Variants in ADIPOR2 observed in about 807,000 individuals in gnomAD.
ADIPOR2 encodes adiponectin receptor protein 2.
In ADIPOR2, 18 loss-of-function variants were observed where a neutral mutation model predicts 40.9. That is an observed-to-expected ratio of 0.44 (90% CI 0.30 to 0.65). ADIPOR2 has a LOEUF of 0.65. Among genes scored for constraint, ADIPOR2 ranks in the 30% least tolerant of loss-of-function variants. The pLI is 0.09. For missense variants in ADIPOR2, 283 were observed against 479.2 expected (o/e 0.59, Z 3.82); for synonymous variants, 165 against 166.4 (o/e 0.99, Z 0.06).
At position 1,788,066 on chromosome 12, in the gene ADIPOR2, C is replaced by G. The variant is rs1217393759; in HGVS notation, c.*1994C>G. 1 of 152,724 alleles carries G rather than the reference C, an allele frequency of 6.5e-6. No homozygotes were observed. Among genetic ancestry groups the G allele is most frequent in the Non-Finnish European group, 1.5e-5 (1 of 68,080 alleles). 9.5% of individuals were successfully genotyped at this position (152,724 alleles called of 1,614,324 possible). A position where few individuals can be genotyped will look rare whatever the true frequency, so the allele number is the denominator to read the frequency against. On this transcript the variant is annotated 3_prime_UTR_variant, in exon 8 of 8. Transcript: ENST00000357103. ...GCAACAGCACGTATCAGAAGCCAGACTTGCTCTTCGGTCATGCACTTTGGG... is the reference window on the plus strand; with the variant it reads ...GCAACAGCACGTATCAGAAGCCAGAGTTGCTCTTCGGTCATGCACTTTGGG...
At chr12:1,755,236 C>T (rs60324914) in intron 2 of ADIPOR2, among the ~76,000 whole-genome samples, 108 of 152,000 alleles carry the variant, frequency 7.1e-4, no homozygotes, top group African/African-American at 2.4e-3. Context: ...CCTGCCACCA[C>T]GCCTGGCTAC....
intron 1 of ADIPOR2, among the ~76,000 whole-genome samples, chr12:1,720,464 G>C (rs1365810201): frequency 1.3e-5 from 2 of 152,168 alleles, no homozygotes; most frequent in Non-Finnish European, 2.9e-5. Context: ...CCATAATGTG[G>C]AATCAGTGGG....
intron 1 of ADIPOR2, among the ~76,000 whole-genome samples, chr12:1,713,725 T>G (rs775271966): frequency 2.6e-5 from 4 of 151,974 alleles, no homozygotes; most frequent in Non-Finnish European, 5.9e-5. Context: ...AAGAGCAAAG[T>G]CTCCCAATTA....
At chr12:1,777,750 T>C in intron 3 of ADIPOR2, 104 bp from the exon 4 acceptor site, 1 of 1,101,552 alleles carries the variant, frequency 9.1e-7, no homozygotes, top group Non-Finnish European at 1.3e-6. Flanking sequence ...AATGAATTGT[T>C]TTTCCCATTA....
intron 4 of ADIPOR2, 71 bp downstream of exon 4, chr12:1,778,096 T>G (rs1862636896): frequency 2.0e-6 from 3 of 1,492,052 alleles, no homozygotes; most frequent in Non-Finnish European, 2.7e-6. Context: ...TATTTGAGGG[T>G]AAGCACAGAA....
rs1240492170 is a variant in ADIPOR2, at chr12:1,755,204, C to CG, written c.171+691dup. Among the ~76,000 whole-genome samples the CG allele has an allele frequency of 4.6e-5, 7 of 151,750 alleles. No homozygotes were observed. In the East Asian group the frequency reaches 1.4e-3, roughly 29 times the overall value. On this transcript the variant is annotated intron_variant, in intron 2 of 7. Transcript: ENST00000357103. ...AAGTGATTATCCTGCCTCAGCCTCCCGAGTAGCTGGGATTACAGGCACCTG... is the reference window on the plus strand; with the variant it reads ...AAGTGATTATCCTGCCTCAGCCTCCCGGAGTAGCTGGGATTACAGGCACCTG...
intron 2 of ADIPOR2, among the ~76,000 whole-genome samples, chr12:1,756,424 A>G (rs1350660159): frequency 6.6e-6 from 1 of 150,554 alleles, no homozygotes; most frequent in East Asian, 1.9e-4. Context: ...TGCTGAGATT[A>G]CAAGCGTGAG....
At chr12:1,781,851 A>C (rs542659900) in intron 6 of ADIPOR2, among the ~76,000 whole-genome samples, 1 of 152,352 alleles carries the variant, frequency 6.6e-6, no homozygotes, top group East Asian at 1.9e-4. Context: ...ACCTCATGTC[A>C]GTGACCACTG....
chr12:1,757,323 G>C (rs923041660), intron 2 of ADIPOR2: 6 of 680,178 alleles, frequency 8.8e-6, no homozygotes, highest in Non-Finnish European at 1.3e-5. Flanking sequence ...AGAAGTCTGT[G>C]GTTTGTTGCC....
chr12:1,695,011 G>GTTTTTTTTTTTTTTTTTTTTTTTTT (rs199627849), intron 1 of ADIPOR2, among the ~76,000 whole-genome samples: 1 of 128,312 alleles, frequency 7.8e-6, no homozygotes, highest in Non-Finnish European at 1.6e-5. Flanking sequence ...TTGTGTTGCA[G>GTTTTTTTTTTTTTTTTTTTTTTTTT]TTTTTTTTTT....
chr12:1,772,796 T>G, intron 2 of ADIPOR2, 46 bp from the exon 3 acceptor site: 1 of 1,556,708 alleles, frequency 6.4e-7, no homozygotes, highest in East Asian at 2.3e-5. Context: ...TTGTGTCATT[T>G]GGCTCCCAGT....
chr12:1,735,461 G>C (rs568402472), intron 1 of ADIPOR2, among the ~76,000 whole-genome samples: 19 of 152,302 alleles, frequency 1.2e-4, no homozygotes, highest in African/African-American at 4.6e-4. Context: ...CTGAGACTTT[G>C]CTGAAGTTGC....
At chr12:1,724,934 GTTAGGTAT>G (rs2094704848) in intron 1 of ADIPOR2, among the ~76,000 whole-genome samples, 1 of 152,024 alleles carries the variant, frequency 6.6e-6, no homozygotes, top group Non-Finnish European at 1.5e-5. Context: ...CTGAACAACT[GTTAGGTAT>G]TATTAGGTAT....
At chr12:1,714,310 G>A (rs534087925) in intron 1 of ADIPOR2, among the ~76,000 whole-genome samples, 19 of 152,016 alleles carry the variant, frequency 1.2e-4, no homozygotes, top group Non-Finnish European at 2.4e-4. Context: ...TGTTCTTCTC[G>A]ATCCCTACTG....
intron 1 of ADIPOR2, among the ~76,000 whole-genome samples, chr12:1,742,345 G>A (rs1217247291): frequency 6.6e-6 from 1 of 152,154 alleles, no homozygotes; most frequent in Non-Finnish European, 1.5e-5. Flanking sequence ...TGCCCACCTG[G>A]GCCTCCCAAA....
chr12:1,751,307 ATTT>A (rs1242758814), intron 1 of ADIPOR2, among the ~76,000 whole-genome samples: 1 of 152,054 alleles, frequency 6.6e-6, no homozygotes, highest in Non-Finnish European at 1.5e-5. Context: ...CTTCATTCTT[ATTT>A]TATCATACTT....
intron 2 of ADIPOR2, among the ~76,000 whole-genome samples, chr12:1,767,033 G>A (rs1862394918): frequency 6.6e-6 from 1 of 152,190 alleles, no homozygotes; most frequent in African/African-American, 2.4e-5. Flanking sequence ...ACTTCGGGAA[G>A]CTGAGGCGGG....
Position 1,700,910 on chromosome 12 carries a change from G to GT in ADIPOR2, c.-87+9727dup, listed in dbSNP as rs1049622852. 6.6e-5 allele frequency among the ~76,000 whole-genome samples: 10 copies of GT among 151,300 alleles called. No individual in the cohort carries two copies. The East Asian group carries it at 1.4e-3, about 21-fold the overall frequency. On this transcript the variant is annotated intron_variant, in intron 1 of 7. Transcript: ENST00000357103. ...TGTATGTTTTATTTGGCCAATATAT[G>GT]TTTTTTTTCCTTAAAATATTTCAAA...
chr12:1,746,514 C>T (rs1429706969), intron 1 of ADIPOR2, among the ~76,000 whole-genome samples: 5 of 151,974 alleles, frequency 3.3e-5, no homozygotes, highest in South Asian at 2.1e-4. Context: ...ACAAAAAAAA[C>T]CCTCTTATAA....
Sources: gnomAD v4.1 joint callset for allele counts (sites outside exome capture counted in the v4.1 genomes callset) on GRCh38, gnomAD v4.1.1 for gene constraint, MANE v1.5 for transcripts, NCBI Gene and HGNC (gene_info 2026-07-23, HGNC 2026-07-21) for gene names.